The following TP53AIP1 variants were observed in gnomAD, a reference collection of about 807,000 sequenced individuals.
The protein encoded by TP53AIP1 is p53-regulated apoptosis-inducing protein 1.
TP53AIP1 carries 14 observed loss-of-function variants against 9.5 expected under a neutral mutation model. The ratio of observed to expected loss-of-function variants is 1.47; its 90% CI spans 0.97 to 2.30. TP53AIP1 has a LOEUF of 2.30. Among genes scored for constraint, TP53AIP1 ranks in the 30% most tolerant of loss-of-function variants. The probability of loss-of-function intolerance (pLI) is 0.00; values close to 1 mark genes in which losing one functional copy is unlikely to be tolerated. For synonymous variants in TP53AIP1, 73 were observed against 61.2 expected, an observed-to-expected ratio of 1.19 and a Z score of -0.90; for missense variants, 153 against 146.7, an observed-to-expected ratio of 1.04 and a Z score of -0.22.
chr11:128,940,945 C>T (rs956761957), intron 1 of TP53AIP1, among the ~76,000 whole-genome samples: 2 of 152,168 alleles, frequency 1.3e-5, no homozygotes, highest in Non-Finnish European at 2.9e-5. Flanking sequence ...GAGATCACCT[C>T]CTACCCATCC....
At chr11:128,938,963 C>T (rs961047118) in intron 1 of TP53AIP1, among the ~76,000 whole-genome samples, 3 of 152,154 alleles carry the variant, frequency 2.0e-5, no homozygotes, top group South Asian at 2.1e-4. Flanking sequence ...CCCACCCTCC[C>T]CATTCTAGTC....
chr11:128,938,311 G>A (rs567669768), intron 1 of TP53AIP1, among the ~76,000 whole-genome samples: 10 of 152,136 alleles, frequency 6.6e-5, no homozygotes, highest in South Asian at 6.2e-4. Context: ...TCAGAGGCCC[G>A]GCCTTCTGTT....
intron 1 of TP53AIP1, among the ~76,000 whole-genome samples, chr11:128,941,063 C>T (rs139141226): frequency 0.011 from 1,386 of 131,002 alleles, 19 homozygotes; most frequent in Non-Finnish European, 0.013. Flanking sequence ...GTGCAGGGGG[C>T]GGGATGAGGA....
At position 128,937,416 on chromosome 11, in the gene TP53AIP1, T is replaced by C. The variant is rs1944848482; in HGVS notation, c.141+262A>G. ...CAAAAGCCTTGTTTCTCAGAAAACC[T>C]TTCTGCCTCCTAGAAACCCAGGATT... On this transcript the variant is annotated intron_variant, in intron 2 of 3. Coordinates refer to ENST00000531399, the MANE Select transcript of TP53AIP1 (RefSeq NM_022112.3). The surrounding 1 kb of genome is among the most constrained non-coding windows in gnomAD (Gnocchi z 4.8). The C allele has an allele frequency of 1.4e-6, 2 of 1,448,806 alleles. No homozygotes were observed. Among genetic ancestry groups the C allele is most frequent in the African/African-American group, 2.8e-5 (2 of 70,288 alleles). 89.7% of individuals were successfully genotyped at this position (1,448,806 alleles called of 1,614,324 possible). A position where few individuals can be genotyped will look rare whatever the true frequency, so the allele number is the denominator to read the frequency against.
In TP53AIP1 at chr11:128,935,635, C is replaced by G. The variant is rs751700542; in HGVS notation, c.331G>C (p.Glu111Gln). ...LRDRPLGSAF[E>Q]LSYDQKKAPL... ...GCTTTTTTCTGATCATAGCTGAGCT[C>G]AAATGCTGACCCCAGTGGCCTGTCT... The change falls in exon 4 of 4, where the codon GAG (glutamate) becomes CAG (glutamine). Residue 111 changes from glutamate (E) to glutamine (Q), a missense_variant. By Grantham distance (29) the Glu-to-Gln change is conservative (BLOSUM62 2). Transcript: ENST00000531399. The G allele has an allele frequency of 6.3e-7, 1 of 1,585,958 alleles. No individual in the cohort carries two copies. The highest frequency in any genetic ancestry group is 1.7e-5 in the Admixed American group (1 of 58,432).
At chr11:128,934,765 T>C, downstream of TP53AIP1, 1 of 472,184 alleles carries the variant, frequency 2.1e-6, no homozygotes, top group East Asian at 3.9e-5. Flanking sequence ...AAGGTGAACC[T>C]AGAATGCACA....
At chr11:128,935,088 G>A (rs910042822), downstream of TP53AIP1, 7 of 706,178 alleles carry the variant, frequency 9.9e-6, no homozygotes, top group East Asian at 1.9e-4. Context: ...GCCGGGGCTT[G>A]TGGTAGGAAC....
rs1037407972 is a variant in TP53AIP1, at chr11:128,935,625, T to C, written c.341A>G (p.Tyr114Cys). ...RPLGSAFELS[Y>C]DQKKAPLRLQ Reference sequence around the variant, plus strand: ...CCTCAACGGTGCTTTTTTCTGATCATAGCTGAGCTCAAATGCTGACCCCAG... The same window carrying C: ...CCTCAACGGTGCTTTTTTCTGATCACAGCTGAGCTCAAATGCTGACCCCAG... Residue 114 changes from tyrosine (Y) to cysteine (C), a missense_variant, in exon 4 of 4, where the codon TAT (tyrosine) becomes TGT (cysteine). Tyr to Cys is a radical substitution (Grantham distance 194, BLOSUM62 -2). Coordinates refer to ENST00000531399, the MANE Select transcript of TP53AIP1 (RefSeq NM_022112.3). The C allele has an allele frequency of 1.3e-6, 2 of 1,583,934 alleles. No homozygotes were observed. Among genetic ancestry groups the C allele is most frequent in the Non-Finnish European group, 1.7e-6 (2 of 1,172,764 alleles).
In TP53AIP1 at chr11:128,937,711, C is replaced by A. The variant is rs142456712; in HGVS notation, c.108G>T (p.Pro36=). ...GTGTGTGTGTCTGAGCCCTGCCATTCGGAGGCATCACCGAGAGGTTCTGGT... is the reference window on the plus strand; with the variant it reads ...GTGTGTGTGTCTGAGCCCTGCCATTAGGAGGCATCACCGAGAGGTTCTGGT... ...RGDQNLSVMP[P]NGRAQTHTPG... The change falls in exon 2 of 4, where the codon CCG becomes CCT. Residue 36 remains proline (P), a synonymous_variant. Transcript: ENST00000531399. This position sits in a 1 kb window ranked among gnomAD's most constrained non-coding sequence, Gnocchi z 4.8. 4 of 1,614,040 alleles carry A rather than the reference C, an allele frequency of 2.5e-6. No individual in the cohort carries two copies. The highest frequency in any genetic ancestry group is 1.7e-5 in the Admixed American group (1 of 60,010).
In TP53AIP1 at chr11:128,935,643, G is replaced by A. The variant is rs781595524; in HGVS notation, c.323C>T (p.Ser108Leu). The A allele has an allele frequency of 6.3e-7, 1 of 1,587,246 alleles. No homozygotes were observed. ...CTGATCATAGCTGAGCTCAAATGCT[G>A]ACCCCAGTGGCCTGTCTCTAAGCAC... ...ATVLRDRPLG[S>L]AFELSYDQKK... Residue 108 changes from serine to leucine, a missense_variant, in exon 4 of 4, where the codon TCA (serine) becomes TTA (leucine). Coordinates refer to ENST00000531399, the MANE Select transcript of TP53AIP1 (RefSeq NM_022112.3).
rs897822330 is a variant in TP53AIP1, at chr11:128,935,526, G to GTT, written c.*63_*64dup. ...GACGGTGCTTTCTGTTTGTTTGTTT[G>GTT]TTTTTGTTTTGAGATGGAGTCTCTC... On this transcript the variant is annotated 3_prime_UTR_variant, in exon 4 of 4. Transcript: ENST00000531399. 139 of 1,513,428 alleles carry GTT rather than the reference G, an allele frequency of 9.2e-5. No individual in the cohort carries two copies. The highest frequency in any genetic ancestry group is 1.0e-4 in the Non-Finnish European group (118 of 1,136,510). 93.7% of individuals were successfully genotyped at this position (1,513,428 alleles called of 1,614,324 possible). A position where few individuals can be genotyped will look rare whatever the true frequency, so the allele number is the denominator to read the frequency against.
chr11:128,935,804 A>G (rs771554181), intron 3 of TP53AIP1, 92 bp from the exon 4 acceptor site: 57 of 1,382,760 alleles, frequency 4.1e-5, no homozygotes, highest in Non-Finnish European at 5.2e-5. Context: ...GGATAAAAAC[A>G]ACAATAATGA....
chr11:128,940,966 C>T (rs531614218), intron 1 of TP53AIP1, among the ~76,000 whole-genome samples: 18 of 152,216 alleles, frequency 1.2e-4, no homozygotes, highest in African/African-American at 3.1e-4. Flanking sequence ...AGAGATCCCC[C>T]GACTTTGGAG....
rs1378657032 is a variant in TP53AIP1, at chr11:128,937,175, ATCT to A, written c.141+500_141+502del. Reference sequence around the variant, plus strand: ...GAGCCCACAAGCTTCCGAGTGCGTCATCTTCATTATTGGCCACAGGAAACGACT... The same window carrying A: ...GAGCCCACAAGCTTCCGAGTGCGTCATCATTATTGGCCACAGGAAACGACT... On this transcript the variant is annotated intron_variant, in intron 2 of 3. Coordinates refer to ENST00000531399, the MANE Select transcript of TP53AIP1 (RefSeq NM_022112.3). This position sits in a 1 kb window ranked among gnomAD's most constrained non-coding sequence, Gnocchi z 4.8. The A allele has an allele frequency of 1.2e-5, 13 of 1,120,586 alleles. No individual in the cohort carries two copies. The highest frequency in any genetic ancestry group is 1.3e-5 in the Non-Finnish European group (12 of 915,462). The allele number at this position is 1,120,586 out of a possible 1,614,324, so 69.4% of individuals were successfully genotyped here. A position where few individuals can be genotyped will look rare whatever the true frequency, so the allele number is the denominator to read the frequency against.
downstream of TP53AIP1, chr11:128,935,147 G>T (rs1431756992): frequency 1.3e-6 from 1 of 798,912 alleles, no homozygotes; most frequent in African/African-American, 1.7e-5. Flanking sequence ...ACCCAGCGGG[G>T]GCCCGGGGCT....
chr11:128,936,814 A>T (rs942485637), intron 2 of TP53AIP1, 165 bp from the exon 3 acceptor site: 1 of 1,427,994 alleles, frequency 7.0e-7, no homozygotes, highest in African/African-American at 1.4e-5. Flanking sequence ...CCAAACTGGG[A>T]CAGGAGGAAC....
At chr11:128,938,370 G>A (rs955717308) in intron 1 of TP53AIP1, among the ~76,000 whole-genome samples, 3 of 152,094 alleles carry the variant, frequency 2.0e-5, no homozygotes, top group Non-Finnish European at 4.4e-5. Context: ...CTCCACATCC[G>A]TGTGGAGTCA....
chr11:128,936,702 G>A, intron 2 of TP53AIP1, 53 bp from the exon 3 acceptor site: 1 of 1,519,464 alleles, frequency 6.6e-7, no homozygotes, highest in Non-Finnish European at 8.8e-7. Context: ...TCTCTTGGAT[G>A]GTTTATTCTT....
At chr11:128,934,833 G>A (rs1329027978), downstream of TP53AIP1, 16 of 586,962 alleles carry the variant, frequency 2.7e-5, no homozygotes, top group Non-Finnish European at 4.6e-5. Context: ...TGCAGGTTGT[G>A]GCATCCAATG....
Sources: gnomAD v4.1 joint callset for allele counts (sites outside exome capture counted in the v4.1 genomes callset) on GRCh38, gnomAD v4.1.1 for gene constraint, Gnocchi (gnomAD v3.1) non-coding constraint, MANE v1.5 for transcripts, NCBI Gene and HGNC (gene_info 2026-07-23, HGNC 2026-07-21) for gene names.